Variants in ERICH3 observed in about 807,000 individuals in gnomAD.
The protein encoded by ERICH3 is glutamate-rich protein 3.
In ERICH3, 126 loss-of-function variants were observed where a neutral mutation model predicts 131.1. The ratio of observed to expected loss-of-function variants is 0.96; its 90% CI spans 0.83 to 1.11. The LOEUF (loss-of-function observed/expected upper bound fraction) is 1.11, where lower values mean the gene tolerates loss of function less well. Among genes scored for constraint, ERICH3 ranks in the 50% most tolerant of loss-of-function variants. The pLI is 0.00. For missense variants in ERICH3, 2,050 were observed against 1,810.7 expected (o/e 1.13, Z -2.40); for synonymous variants, 695 against 644.6 (o/e 1.08, Z -1.18).
In ERICH3 at chr1:74,599,902, C is replaced by T. The variant is rs529403976; in HGVS notation, c.1519G>A (p.Glu507Lys). 1 of 1,611,030 alleles carries T rather than the reference C, an allele frequency of 6.2e-7. No homozygotes were observed. Among genetic ancestry groups the T allele is most frequent in the South Asian group, 1.1e-5 (1 of 90,814 alleles). Reference sequence around the variant, plus strand: ...TCATTAGATTTTTCACCTTGTTTCTCCTCATCTACTTCAAAGTCTTCTTCA... The same window carrying T: ...TCATTAGATTTTTCACCTTGTTTCTTCTCATCTACTTCAAAGTCTTCTTCA... The part of the protein sequence containing the change: ...EYEEDFEVDE[E>K]KQGEKSNEEG... The change falls in exon 11 of 15, where the codon GAG becomes AAG. Residue 507 changes from glutamate (E) to lysine (K), a missense_variant. Physicochemically the swap from Glu to Lys is moderately conservative, Grantham distance 56. Coordinates refer to ENST00000326665, the MANE Select transcript of ERICH3 (RefSeq NM_001002912.5).
At position 74,568,495 on chromosome 1, in the gene ERICH3, T is replaced by C. The variant is rs1231427452; in HGVS notation, c.*1963A>G. 2 of 152,154 alleles carry C rather than the reference T, an allele frequency of 1.3e-5. No individual in the cohort carries two copies. Among genetic ancestry groups the C allele is most frequent in the African/African-American group, 4.8e-5 (2 of 41,450 alleles). The allele number at this position is 152,154 out of a possible 1,614,324, so 9.4% of individuals were successfully genotyped here. ...AGAGCTCCACAGTAATACAGCTCAG[T>C]AATAAATGAACTTGAATATAATGTA... On this transcript the variant is annotated 3_prime_UTR_variant, in exon 15 of 15. Transcript: ENST00000326665.
At chr1:74,627,228 T>C (rs1201279034) in intron 7 of ERICH3, among the ~76,000 whole-genome samples, 4 of 151,968 alleles carry the variant, frequency 2.6e-5, no homozygotes, top group African/African-American at 7.3e-5. Flanking sequence ...TGACTACATC[T>C]TGAATAGAAA....
At chr1:74,632,612 C>T (rs913987982) in intron 6 of ERICH3, among the ~76,000 whole-genome samples, 3 of 151,736 alleles carry the variant, frequency 2.0e-5, no homozygotes, top group Non-Finnish European at 2.9e-5. Flanking sequence ...CAAAATGTAA[C>T]ATCATATAAG....
intron 8 of ERICH3, among the ~76,000 whole-genome samples, chr1:74,616,274 C>T (rs965218734): frequency 6.6e-6 from 1 of 152,098 alleles, no homozygotes; most frequent in Non-Finnish European, 1.5e-5. Flanking sequence ...CCCGTCTTGG[C>T]CTCCCAAAGT....
In ERICH3 at chr1:74,643,397, G is replaced by T. The variant is rs1012846340; in HGVS notation, c.244-299C>A. 4.6e-5 allele frequency among the ~76,000 whole-genome samples: 7 copies of T among 152,078 alleles called. No homozygotes were observed. In the South Asian group the frequency reaches 1.4e-3, roughly 31 times the overall value. On this transcript the variant is annotated intron_variant, in intron 3 of 14. Transcript: ENST00000326665. ...TAAAAAATGTCTTATGCACAAAGATGCTATCTGAAAGATTTTTTTTCCTTT... is the reference window on the plus strand; with the variant it reads ...TAAAAAATGTCTTATGCACAAAGATTCTATCTGAAAGATTTTTTTTCCTTT...
At chr1:74,581,699 A>T (rs1235867449) in intron 12 of ERICH3, among the ~76,000 whole-genome samples, 2 of 152,206 alleles carry the variant, frequency 1.3e-5, no homozygotes, top group African/African-American at 4.8e-5. Context: ...TCTAAATTAT[A>T]TTAATCATTT....
rs142320676 is a variant in ERICH3 at position 74,595,979 on chromosome 1, G to A, written c.1726+3716C>T. On this transcript the variant is annotated intron_variant, in intron 11 of 14. Transcript: ENST00000326665. ...ACATTACACTGAAGTCCAACGGTGC[G>A]TCTCACAGCACAAAGAATTTCAACA... Among the ~76,000 whole-genome samples, 43 of 152,102 alleles carry A rather than the reference G, an allele frequency of 2.8e-4. 1 individual carries two copies. Among genetic ancestry groups the A allele is most frequent in the Middle Eastern group, 3.4e-3 (1 of 294 alleles).
intron 13 of ERICH3, among the ~76,000 whole-genome samples, chr1:74,575,351 C>T (rs1647031409): frequency 6.6e-6 from 1 of 152,156 alleles, no homozygotes. Context: ...ATAAAAATTT[C>T]AGGTCTATCA....
intron 2 of ERICH3, among the ~76,000 whole-genome samples, chr1:74,647,654 T>C (rs760666971): frequency 8.5e-5 from 13 of 152,122 alleles, no homozygotes; most frequent in Non-Finnish European, 1.5e-4. Flanking sequence ...GTGTTACCCA[T>C]ACGGATTGTT....
chr1:74,614,097 C>T (rs1648829548), intron 8 of ERICH3, among the ~76,000 whole-genome samples: 1 of 152,028 alleles, frequency 6.6e-6, no homozygotes, highest in African/African-American at 2.4e-5. Context: ...TGATTCAGTA[C>T]GTCTGTGGTA....
At chr1:74,605,251 G>C (rs1201794670) in intron 10 of ERICH3, among the ~76,000 whole-genome samples, 4 of 151,874 alleles carry the variant, frequency 2.6e-5, no homozygotes, top group Non-Finnish European at 5.9e-5. Context: ...TTAGGGCCTT[G>C]CTCTGACTTA....
intron 7 of ERICH3, among the ~76,000 whole-genome samples, chr1:74,626,481 G>A (rs936437680): frequency 1.3e-5 from 2 of 152,102 alleles, no homozygotes; most frequent in African/African-American, 4.8e-5. Flanking sequence ...TTCAAAAAAT[G>A]TATAAAAAAT....
Position 74,571,308 on chromosome 1 carries a change from T to C in ERICH3, c.4402A>G (p.Thr1468Ala). The C allele has an allele frequency of 1.9e-6, 3 of 1,614,014 alleles. No individual in the cohort carries two copies. The South Asian group carries it at 3.3e-5, about 18-fold the overall frequency. The change falls in exon 14 of 15, where the codon ACA (threonine) becomes GCA (alanine). Residue 1468 changes from threonine to alanine, a missense_variant. Physicochemically the swap from Thr to Ala is moderately conservative, Grantham distance 58 (BLOSUM62 0). Coordinates refer to ENST00000326665, the MANE Select transcript of ERICH3 (RefSeq NM_001002912.5). ...ATGSGDGRQE[T>A]GAAEKFRLGL... ...AATCGGAATTTTTCAGCTGCTCCTG[T>C]CTCCTGCCTCCCATCGCCACTCCCA...
rs571530594 is a variant in ERICH3, at chr1:74,593,963, C to G, written c.1727-3883G>C. On this transcript the variant is annotated intron_variant, in intron 11 of 14. Transcript: ENST00000326665. ...CTCTTAGCTGACTTTTCACTGTTAC[C>G]ACTTGAGACTGACAGACAGGAAATT... Among the ~76,000 whole-genome samples the G allele has an allele frequency of 4.6e-5, 7 of 152,168 alleles. No individual in the cohort carries two copies. The South Asian group carries it at 1.5e-3, about 32-fold the overall frequency.
At chr1:74,575,641 A>G (rs1194457005) in intron 13 of ERICH3, among the ~76,000 whole-genome samples, 3 of 152,202 alleles carry the variant, frequency 2.0e-5, no homozygotes, top group Admixed American at 1.3e-4. Context: ...AAGTATACTA[A>G]AAAGTCAGTT....
chr1:74,668,664 G>T (rs904283680), intron 1 of ERICH3, among the ~76,000 whole-genome samples: 1 of 152,028 alleles, frequency 6.6e-6, no homozygotes, highest in Non-Finnish European at 1.5e-5. Context: ...TTTGTTAAAG[G>T]AGTAAGAGAA....
chr1:74,585,897 G>A (rs999817218), intron 12 of ERICH3, among the ~76,000 whole-genome samples: 5 of 152,086 alleles, frequency 3.3e-5, no homozygotes, highest in African/African-American at 1.2e-4. Context: ...CTGAGTATTT[G>A]TATTTAGAAA....
At chr1:74,640,075 T>G (rs550178548) in intron 5 of ERICH3, among the ~76,000 whole-genome samples, 1 of 152,310 alleles carries the variant, frequency 6.6e-6, no homozygotes, top group South Asian at 2.1e-4. Flanking sequence ...TCCTGTAATT[T>G]TAAAATTACT....
chr1:74,673,385 C>T, intron 1 of ERICH3, 112 bp downstream of exon 1: 2 of 1,320,616 alleles, frequency 1.5e-6, no homozygotes, highest in South Asian at 1.3e-5. Context: ...CTCCCCAGCC[C>T]TCCCCCTCGC....
Sources: gnomAD v4.1 joint callset for allele counts (sites outside exome capture counted in the v4.1 genomes callset) on GRCh38, gnomAD v4.1.1 for gene constraint, MANE v1.5 for transcripts, NCBI Gene and HGNC (gene_info 2026-07-23, HGNC 2026-07-21) for gene names.